LRP1B: variants seen among roughly 807,000 people sequenced by gnomAD.
LRP1B encodes LDL receptor related protein 1B, also known as low-density lipoprotein receptor-related protein 1B.
Under a neutral mutation model 556.6 loss-of-function variants are expected in LRP1B, and 217 were observed. The ratio of observed to expected loss-of-function variants is 0.39; its 90% CI spans 0.35 to 0.44. The LOEUF is 0.44. Among genes scored for constraint, LRP1B ranks in the 20% least tolerant of loss-of-function variants. The pLI is 1.00. For synonymous variants in LRP1B, 2,047 were observed against 1,865.8 expected (o/e 1.10, Z -2.50); for missense variants, 5,053 against 5,620.8 (o/e 0.90, Z 3.23).
intron 18 of LRP1B, among the ~76,000 whole-genome samples, chr2:140,964,446 G>A (rs1696135653): frequency 1.3e-5 from 2 of 152,158 alleles, no homozygotes; most frequent in Non-Finnish European, 2.9e-5. Flanking sequence ...AGTAGCGGGT[G>A]TTGTTTCTTG....
At chr2:141,016,556 T>C (rs1214340065) in intron 12 of LRP1B, among the ~76,000 whole-genome samples, 2 of 152,082 alleles carry the variant, frequency 1.3e-5, no homozygotes, top group Non-Finnish European at 2.9e-5. Context: ...GTAAGTTTAG[T>C]AATAGCAAGT....
intron 1 of LRP1B, among the ~76,000 whole-genome samples, chr2:141,811,382 T>C (rs1696351602): frequency 6.6e-6 from 1 of 151,964 alleles, no homozygotes; most frequent in South Asian, 2.1e-4. Flanking sequence ...CAAATAAAAA[T>C]TCTAAGTGAT....
chr2:141,993,423 C>G (rs951945176), intron 1 of LRP1B, among the ~76,000 whole-genome samples: 54 of 43,122 alleles, frequency 1.3e-3, no homozygotes, highest in Admixed American at 6.5e-4. Flanking sequence ...CCACTAGGAG[C>G]AGGAAATTTT....
intron 41 of LRP1B, among the ~76,000 whole-genome samples, chr2:140,676,047 A>C (rs16844472): frequency 0.058 from 8,829 of 152,270 alleles, 315 homozygotes; most frequent in East Asian, 0.15. Context: ...TACTACAATA[A>C]ATTTAAAAGG....
chr2:141,064,801 A>C (rs1699434488), intron 7 of LRP1B, among the ~76,000 whole-genome samples: 2 of 151,950 alleles, frequency 1.3e-5, no homozygotes, highest in Non-Finnish European at 1.5e-5. Flanking sequence ...CTGTATTACA[A>C]TTGGTAAACA....
At chr2:140,870,303 G>C (rs1693088296) in intron 25 of LRP1B, among the ~76,000 whole-genome samples, 1 of 152,118 alleles carries the variant, frequency 6.6e-6, no homozygotes, top group African/African-American at 2.4e-5. Context: ...ACCCCACTCA[G>C]AGGTCAGAGG....
intron 5 of LRP1B, among the ~76,000 whole-genome samples, chr2:141,241,866 G>T (rs868212621): frequency 2.6e-5 from 4 of 151,664 alleles, no homozygotes; most frequent in Admixed American, 6.6e-5. Context: ...GTCATCAAGT[G>T]CTATTTGAAG....
intron 72 of LRP1B, among the ~76,000 whole-genome samples, chr2:140,361,341 C>CATAT (rs67208978): frequency 0.1 from 3,168 of 30,520 alleles, 377 homozygotes; most frequent in East Asian, 0.11. Context: ...ACTTGGAAAG[C>CATAT]ATATATATAT....
chr2:141,976,681 T>C (rs1701897943), intron 1 of LRP1B, among the ~76,000 whole-genome samples: 1 of 152,016 alleles, frequency 6.6e-6, no homozygotes, highest in Non-Finnish European at 1.5e-5. Context: ...AGATACAGAG[T>C]ATGCATCCTG....
intron 3 of LRP1B, among the ~76,000 whole-genome samples, chr2:141,273,770 A>G (rs113191564): frequency 0.022 from 3,405 of 152,322 alleles, 70 homozygotes; most frequent in Non-Finnish European, 0.036. Flanking sequence ...TAACACCATC[A>G]AAAAAGTGAA....
At position 140,637,135 on chromosome 2, in the gene LRP1B, G is replaced by A. The variant is rs535161383; in HGVS notation, c.6800-35496C>T. On this transcript the variant is annotated intron_variant, in intron 41 of 90. Transcript: ENST00000389484. ...TGTAGAGATACAAAGTGAATATGGA[G>A]TGAGCAGAGATCACCTTAGGGGCAG... Among the ~76,000 whole-genome samples, 228 of 152,258 alleles carry A rather than the reference G, an allele frequency of 1.5e-3. 1 individual carries two copies. The highest frequency in any genetic ancestry group is 2.6e-3 in the Non-Finnish European group (174 of 68,006).
At chr2:142,086,725 T>C (rs147110921) in intron 1 of LRP1B, among the ~76,000 whole-genome samples, 1 of 152,210 alleles carries the variant, frequency 6.6e-6, no homozygotes, top group Non-Finnish European at 1.5e-5. Flanking sequence ...TTGAATTTTA[T>C]ATTTTTAAAA....
At position 141,764,612 on chromosome 2, in the gene LRP1B, A is replaced by G. The variant is rs537996531; in HGVS notation, c.205+45667T>C. Among the ~76,000 whole-genome samples, 3 of 152,282 alleles carry G rather than the reference A, an allele frequency of 2.0e-5. No individual in the cohort carries two copies. In the South Asian group the frequency reaches 6.2e-4, roughly 32 times the overall value. On this transcript the variant is annotated intron_variant, in intron 2 of 90. Transcript: ENST00000389484. ...AGCCAAAAAGAGAGGCCTTGGTGGA[A>G]CCCAACCCTGCTGACACCCTGATCT...
At chr2:140,291,702 T>C (rs908919824) in intron 84 of LRP1B, among the ~76,000 whole-genome samples, 1 of 152,134 alleles carries the variant, frequency 6.6e-6, no homozygotes, top group Non-Finnish European at 1.5e-5. Context: ...CTTAATCCAG[T>C]CTATCATTGT....
intron 83 of LRP1B, among the ~76,000 whole-genome samples, chr2:140,309,110 T>C (rs1009529834): frequency 1.3e-5 from 2 of 151,848 alleles, no homozygotes; most frequent in Admixed American, 1.3e-4. Flanking sequence ...CTACTTAATG[T>C]AATGTTTTCC....
At chr2:141,370,643 T>A (rs527493584) in intron 3 of LRP1B, among the ~76,000 whole-genome samples, 1 of 152,302 alleles carries the variant, frequency 6.6e-6, no homozygotes, top group African/African-American at 2.4e-5. Context: ...GCAGAAGCTT[T>A]TTTGTTTAAA....
intron 41 of LRP1B, among the ~76,000 whole-genome samples, chr2:140,614,239 T>G (rs1683181401): frequency 6.6e-6 from 1 of 152,118 alleles, no homozygotes; most frequent in Non-Finnish European, 1.5e-5. Context: ...CAATGGCATA[T>G]TATTGATCAA....
At chr2:140,351,870 C>T (rs546948185) in intron 76 of LRP1B, among the ~76,000 whole-genome samples, 28 of 152,186 alleles carry the variant, frequency 1.8e-4, no homozygotes, top group African/African-American at 6.5e-4. Context: ...CACAGTTTAT[C>T]TCCACTTCTT....
At chr2:142,031,861 C>G (rs901314878) in intron 1 of LRP1B, among the ~76,000 whole-genome samples, 2 of 151,702 alleles carry the variant, frequency 1.3e-5, no homozygotes, top group Non-Finnish European at 2.9e-5. Flanking sequence ...GAATGGGCCC[C>G]TAATCCCATA....
Sources: allele counts gnomAD v4.1 joint callset (sites outside exome capture counted in the v4.1 genomes callset), GRCh38; gene constraint gnomAD v4.1.1; transcripts MANE v1.5; gene names NCBI Gene and HGNC (gene_info 2026-07-23, HGNC 2026-07-21).